MCFD2: variants seen among roughly 807,000 people sequenced by gnomAD.
The protein encoded by MCFD2 is multiple coagulation factor deficiency 2, ER cargo receptor complex subunit.
A neutral mutation model predicts 12.8 loss-of-function variants in MCFD2; 11 were observed. The observed-to-expected ratio is 0.86, with a 90% CI of 0.54 to 1.42. The LOEUF (loss-of-function observed/expected upper bound fraction) is 1.42, where lower values mean the gene tolerates loss of function less well. Ranked by LOEUF, MCFD2 falls within the 40% of genes most tolerant of loss-of-function variation. The pLI is 0.00. For synonymous variants in MCFD2, 70 were observed against 68.1 expected (o/e 1.03, Z -0.14); for missense variants, 191 against 178.6 (o/e 1.07, Z -0.40).
At position 46,904,965 on chromosome 2, in the gene MCFD2, T is replaced by C. The variant is rs144674773; in HGVS notation, c.*498A>G. The C allele has an allele frequency of 0.055, 12,296 of 222,694 alleles. 676 individuals carry two copies. Among genetic ancestry groups the C allele is most frequent in the African/African-American group, 0.15 (6,400 of 43,250 alleles). The allele number at this position is 222,694 out of a possible 1,614,324, so 13.8% of individuals were successfully genotyped here. ...GTGGGAGAGACCCAAGGGGAGGTAATTGAATCATGGGGGCCAGTCTTTCCC... is the reference window on the plus strand; with the variant it reads ...GTGGGAGAGACCCAAGGGGAGGTAACTGAATCATGGGGGCCAGTCTTTCCC... On this transcript the variant is annotated 3_prime_UTR_variant, in exon 4 of 4. Transcript: ENST00000319466.
rs549400710 is a variant in MCFD2 at position 46,941,497 on chromosome 2, T to A, written c.-8+75A>T. The A allele has an allele frequency of 4.6e-6, 7 of 1,537,584 alleles. No homozygotes were observed. The East Asian group carries it at 1.8e-4, about 39-fold the overall frequency. ...AGCCAGGACGCCGCCCCCGGCCGGG[T>A]CTCCACTTCTTGGCCGCACCTTCCA... On this transcript the variant is annotated intron_variant, in intron 1 of 2. Coordinates refer to the MCFD2 transcript ENST00000409147. The surrounding 1 kb of genome is among the most constrained non-coding windows in gnomAD (Gnocchi z 4.2).
intron 1 of MCFD2, among the ~76,000 whole-genome samples, chr2:46,934,754 C>T (rs1262677831): frequency 1.3e-5 from 2 of 149,148 alleles, no homozygotes; most frequent in Non-Finnish European, 3.0e-5. Context: ...CCCAACAATC[C>T]CAATCCTGGA....
rs1668040187 is a variant in MCFD2, at chr2:46,902,142, C to T, written c.*3321G>A. On this transcript the variant is annotated 3_prime_UTR_variant, in exon 4 of 4. Coordinates refer to ENST00000319466, the MANE Select transcript of MCFD2 (RefSeq NM_139279.6). ...TTCTATTACAGAACGTCCATCACAT[C>T]CAATAAACCAAATTACAATCTGCTG... The T allele has an allele frequency of 6.6e-6, 1 of 152,642 alleles. No individual in the cohort carries two copies. Among genetic ancestry groups the T allele is most frequent in the Non-Finnish European group, 1.5e-5 (1 of 68,030 alleles). The allele number at this position is 152,642 out of a possible 1,614,324, so 9.5% of individuals were successfully genotyped here.
At chr2:46,929,442 C>G (rs1174739269) in intron 1 of MCFD2, among the ~76,000 whole-genome samples, 1 of 152,072 alleles carries the variant, frequency 6.6e-6, no homozygotes, top group East Asian at 1.9e-4. Flanking sequence ...TATGATAGCG[C>G]AACTACACTC....
upstream of MCFD2, chr2:46,916,302 T>G: frequency 2.1e-6 from 1 of 468,458 alleles, no homozygotes. Context: ...AAGATTGGCC[T>G]GCTTCCAGCG....
intron 1 of MCFD2, among the ~76,000 whole-genome samples, chr2:46,928,459 TAAAAAAAAA>T (rs35897582): frequency 1.5e-4 from 12 of 81,976 alleles, no homozygotes; most frequent in East Asian, 3.9e-4. Flanking sequence ...AAAGGGAAAT[TAAAAAAAAA>T]AAAAAAAAAA....
rs1265702664 is a variant in MCFD2, at chr2:46,903,895, T to C, written c.*1568A>G. On this transcript the variant is annotated 3_prime_UTR_variant, in exon 4 of 4. Transcript: ENST00000319466. ...AGCCAGCTGCAGAAATTTGCATAAG[T>C]AGCAAGGAGCCTAATGTTAATCCCC... 6.6e-6 allele frequency: 1 copy of C among 152,136 alleles called. No individual in the cohort carries two copies. The highest frequency in any genetic ancestry group is 1.5e-5 in the Non-Finnish European group (1 of 68,022). 9.4% of individuals were successfully genotyped at this position (152,136 alleles called of 1,614,324 possible). A position where few individuals can be genotyped will look rare whatever the true frequency, so the allele number is the denominator to read the frequency against.
Position 46,908,016 on chromosome 2 carries a change from C to G in MCFD2, c.150-47G>C. 1 of 1,607,834 alleles carries G rather than the reference C, an allele frequency of 6.2e-7. No individual in the cohort carries two copies. On this transcript the variant is annotated intron_variant, in intron 2 of 3. Transcript: ENST00000319466. The surrounding 1 kb of genome is among the most constrained non-coding windows in gnomAD (Gnocchi z 4.5). ...CAGGCCAATTGACAGATACTGGGAT[C>G]ATGCTGAAATCTTAAGGACTCTGAA...
At chr2:46,906,074 T>C in intron 3 of MCFD2, 1 of 460,354 alleles carries the variant, frequency 2.2e-6, no homozygotes, top group South Asian at 1.6e-5. Context: ...CCTGTTATGA[T>C]CTTTGAGGAG....
Position 46,905,361 on chromosome 2 carries a change from C to T in MCFD2, c.*102G>A. 7.5e-7 allele frequency: 1 copy of T among 1,326,606 alleles called. No homozygotes were observed. Among genetic ancestry groups the T allele is most frequent in the Non-Finnish European group, 1.1e-6 (1 of 922,758 alleles). 82.2% of individuals were successfully genotyped at this position (1,326,606 alleles called of 1,614,324 possible). ...ATCGCTACAGGTTTTTACCAAAATG[C>T]TGCAGCAGTAGTTGGAAATGAGTTA... On this transcript the variant is annotated 3_prime_UTR_variant, in exon 4 of 4. Transcript: ENST00000319466.
In MCFD2 at chr2:46,905,390, T is replaced by C. The variant is rs71423925; in HGVS notation, c.*73A>G. On this transcript the variant is annotated 3_prime_UTR_variant, in exon 4 of 4. Transcript: ENST00000319466. The stretch of plus-strand genomic sequence containing the variant: ...AGCAGTAGTTGGAAATGAGTTATTT[T>C]GCATTACTAAAGTGTTCAATCACAT... 80,977 of 1,544,986 alleles carry C rather than the reference T, an allele frequency of 0.052. 2,463 individuals are homozygous for C. Among genetic ancestry groups the C allele is most frequent in the Middle Eastern group, 0.095 (408 of 4,300 alleles).
Position 46,941,024 on chromosome 2 carries a change from A to C in MCFD2, c.-8+548T>G, listed in dbSNP as rs1246309896. 6.7e-6 allele frequency: 1 copy of C among 150,352 alleles called. No homozygotes were observed. Among genetic ancestry groups the C allele is most frequent in the African/African-American group, 2.5e-5 (1 of 39,924 alleles). 9.3% of individuals were successfully genotyped at this position (150,352 alleles called of 1,614,324 possible). A position where few individuals can be genotyped will look rare whatever the true frequency, so the allele number is the denominator to read the frequency against. ...CGGGGCTCCGCGCGGGATTAAAGTG[A>C]GCTCCGACTCCGCGGCGGGGGCGGC... On this transcript the variant is annotated intron_variant, in intron 1 of 2. Coordinates refer to the MCFD2 transcript ENST00000409147. This position sits in a 1 kb window ranked among gnomAD's most constrained non-coding sequence, Gnocchi z 4.2.
chr2:46,916,014 C>G, upstream of MCFD2: 1 of 985,474 alleles, frequency 1.0e-6, no homozygotes, highest in Non-Finnish European at 1.2e-6. Context: ...GGCTCCACTC[C>G]AGTTGGGCCG....
upstream of MCFD2, chr2:46,917,417 C>T: frequency 1.8e-6 from 1 of 563,720 alleles, no homozygotes; most frequent in South Asian, 2.3e-5. Flanking sequence ...GCCATTCATC[C>T]ATCTCTTCAT....
intron 1 of MCFD2, among the ~76,000 whole-genome samples, chr2:46,928,650 G>A (rs1669531097): frequency 6.6e-6 from 1 of 151,852 alleles, no homozygotes; most frequent in South Asian, 2.1e-4. Flanking sequence ...CACACCTGTG[G>A]TCCCAGCTGT....
rs950769342 is a variant in MCFD2, at chr2:46,937,217, A to G, written c.-8+4355T>C. Among the ~76,000 whole-genome samples the G allele has an allele frequency of 1.2e-4, 19 of 152,054 alleles. No homozygotes were observed. Among genetic ancestry groups the G allele is most frequent in the African/African-American group, 4.6e-4 (19 of 41,394 alleles). On this transcript the variant is annotated intron_variant, in intron 1 of 2. Coordinates refer to the MCFD2 transcript ENST00000409147. This position sits in a 1 kb window ranked among gnomAD's most constrained non-coding sequence, Gnocchi z 4.0. ...GCAAAATAAAAAGCTGAACTACTTA[A>G]AACTATCTTTTAGACCTCCCCTGCC...
At chr2:46,906,549 G>A (rs143340518) in intron 3 of MCFD2, among the ~76,000 whole-genome samples, 3,425 of 132,848 alleles carry the variant, frequency 0.026, 49 homozygotes, top group Middle Eastern at 0.078. Flanking sequence ...CCAGTAGCAC[G>A]ATCACAGCTC....
rs746904307 is a variant in MCFD2, at chr2:46,907,817, T to C, written c.302A>G (p.His101Arg). The part of the protein sequence containing the change: ...LELSTAITHV[H>R]KEEGSEQAPL... ...AGCCACTGCCAGACCTACCTCCTTA[T>C]GGACATGAGTGATGGCTGTGGAGAG... The change falls in exon 3 of 4, where the codon CAT (histidine) becomes CGT (arginine). Residue 101 changes from histidine to arginine, a missense_variant. Coordinates refer to ENST00000319466, the MANE Select transcript of MCFD2 (RefSeq NM_139279.6). The surrounding 1 kb of genome is among the most constrained non-coding windows in gnomAD (Gnocchi z 4.1). 8 of 1,614,058 alleles carry C rather than the reference T, an allele frequency of 5.0e-6. No individual in the cohort carries two copies. The East Asian group carries it at 1.1e-4, about 22-fold the overall frequency.
intron 1 of MCFD2, among the ~76,000 whole-genome samples, chr2:46,939,116 CAAAATAATAAATTA>C (rs1254483721): frequency 2.0e-5 from 3 of 151,440 alleles, no homozygotes; most frequent in Non-Finnish European, 4.4e-5. Context: ...TCTCTACAAA[CAAAATAATAAATTA>C]AAAATAATAG....
Sources: allele counts gnomAD v4.1 joint callset (sites outside exome capture counted in the v4.1 genomes callset), GRCh38; gene constraint gnomAD v4.1.1; non-coding constraint Gnocchi (gnomAD v3.1); transcripts MANE v1.5; gene names NCBI Gene and HGNC (gene_info 2026-07-23, HGNC 2026-07-21).